Variants in FBXL20 observed in about 807,000 individuals in gnomAD.
FBXL20 encodes F-box/LRR-repeat protein 20.
Under a neutral mutation model 64.0 loss-of-function variants are expected in FBXL20, and 11 were observed. The observed-to-expected ratio is 0.17, with a 90% CI of 0.11 to 0.28. The LOEUF (loss-of-function observed/expected upper bound fraction) is 0.28, where lower values mean the gene tolerates loss of function less well. FBXL20 is among the 10% of genes least tolerant of loss of function. The pLI, the probability that FBXL20 is intolerant of heterozygous loss-of-function variation, is 1.00. For synonymous variants in FBXL20, 184 were observed against 189.0 expected, an observed-to-expected ratio of 0.97 and a Z score of 0.22; for missense variants, 303 against 526.2, an observed-to-expected ratio of 0.58 and a Z score of 4.15.
chr17:39,378,340 A>G (rs1208329028), intron 1 of FBXL20, among the ~76,000 whole-genome samples: 1 of 152,208 alleles, frequency 6.6e-6, no homozygotes, highest in Non-Finnish European at 1.5e-5. Context: ...GAGGTGTGGT[A>G]GCTCACATTT....
In FBXL20 at chr17:39,303,582, T is replaced by C. The variant is rs1478533366; in HGVS notation, c.159+3A>G. Reference sequence around the variant, plus strand: ...CCCCTGTAACTATGCCAACAATACTTACCCTGGAGACCTGAGCACAGCGGC... The same window carrying C: ...CCCCTGTAACTATGCCAACAATACTCACCCTGGAGACCTGAGCACAGCGGC... On this transcript the variant is annotated splice_donor_region_variant and intron_variant, in intron 3 of 14. Transcript: ENST00000264658. The C allele has an allele frequency of 1.2e-6, 2 of 1,609,164 alleles. No individual in the cohort carries two copies. Among genetic ancestry groups the C allele is most frequent in the African/African-American group, 2.7e-5 (2 of 74,782 alleles).
chr17:39,401,082 C>G (rs1379680345), intron 1 of FBXL20, among the ~76,000 whole-genome samples: 1 of 152,258 alleles, frequency 6.6e-6, no homozygotes, highest in Admixed American at 6.5e-5. Context: ...GAATGGAAAG[C>G]TGAGCGATCC....
chr17:39,336,967 C>CTCCTCTCCCTCTCCCTCTCCCCACGGTCT (rs1278924961), intron 2 of FBXL20, among the ~76,000 whole-genome samples: 1 of 151,722 alleles, frequency 6.6e-6, no homozygotes, highest in African/African-American at 2.4e-5. Flanking sequence ...CCTCCTCTCC[C>CTCCTCTCCCTCTCCCTCTCCCCACGGTCT]TCCTCTCCCT....
intron 1 of FBXL20, among the ~76,000 whole-genome samples, chr17:39,389,508 T>C (rs1023907998): frequency 6.6e-6 from 1 of 152,114 alleles, no homozygotes; most frequent in Non-Finnish European, 1.5e-5. Context: ...GTATTGGCAA[T>C]GCAGTGCTCG....
intron 1 of FBXL20, among the ~76,000 whole-genome samples, chr17:39,348,663 G>A (rs2047657714): frequency 6.6e-6 from 1 of 152,224 alleles, no homozygotes; most frequent in South Asian, 2.1e-4. Context: ...TTCTCCAGAT[G>A]CACTCATAGG....
chr17:39,354,054 TTA>T (rs1370740849), intron 1 of FBXL20, among the ~76,000 whole-genome samples: 38 of 152,308 alleles, frequency 2.5e-4, no homozygotes, highest in African/African-American at 9.1e-4. Context: ...ATGGTAAATA[TTA>T]TGTTACATGT....
rs367806942 is a variant in FBXL20, at chr17:39,297,113, C to T, written c.398+14G>A. Reference sequence around the variant, plus strand: ...GGGGTTATGACTTATCCTCCAAAAACATAAAATACTTACGCGTCTGTTGTC... The same window carrying T: ...GGGGTTATGACTTATCCTCCAAAAATATAAAATACTTACGCGTCTGTTGTC... On this transcript the variant is annotated intron_variant, in intron 6 of 14. Transcript: ENST00000264658. The T allele has an allele frequency of 2.1e-5, 34 of 1,593,578 alleles. No individual in the cohort carries two copies. In the African/African-American group the frequency reaches 4.4e-4, roughly 21 times the overall value.
At chr17:39,296,996 C>G in intron 6 of FBXL20, 131 bp downstream of exon 6, 1 of 522,352 alleles carries the variant, frequency 1.9e-6, no homozygotes, top group Non-Finnish European at 3.4e-6. Flanking sequence ...GTTGCTTTCT[C>G]TTCTAAAAAT....
Position 39,380,738 on chromosome 17 carries a change from C to G in FBXL20, c.42+20623G>C, listed in dbSNP as rs189160957. The stretch of plus-strand genomic sequence containing the variant: ...GCAGGACTTTTTGTCCACTTTTATA[C>G]GCTCAGCATCTATAAGAACACCAGG... On this transcript the variant is annotated intron_variant, in intron 1 of 14. Transcript: ENST00000264658. Among the ~76,000 whole-genome samples the G allele has an allele frequency of 3.9e-5, 6 of 152,234 alleles. No individual in the cohort carries two copies. In the East Asian group the frequency reaches 1.2e-3, roughly 29 times the overall value.
At chr17:39,310,801 C>T (rs2047228099) in intron 2 of FBXL20, among the ~76,000 whole-genome samples, 2 of 152,100 alleles carry the variant, frequency 1.3e-5, no homozygotes, top group South Asian at 4.1e-4. Flanking sequence ...ACCTGATCAA[C>T]ATGGTGAAAC....
intron 2 of FBXL20, among the ~76,000 whole-genome samples, chr17:39,324,403 C>T (rs1390287276): frequency 3.3e-5 from 5 of 151,026 alleles, no homozygotes; most frequent in Non-Finnish European, 5.9e-5. Context: ...ATTCTCCTGC[C>T]TCAGCCTCCC....
chr17:39,352,031 TTGTG>T (rs889228698), intron 1 of FBXL20, among the ~76,000 whole-genome samples: 6 of 152,232 alleles, frequency 3.9e-5, no homozygotes, highest in Non-Finnish European at 5.9e-5. Flanking sequence ...ATTAAGCAGC[TTGTG>T]TGTGTGTGCA....
intron 4 of FBXL20, 95 bp from the exon 5 acceptor site, chr17:39,299,179 A>G: frequency 1.1e-6 from 1 of 896,224 alleles, no homozygotes; most frequent in Non-Finnish European, 1.7e-6. Context: ...ACAAAGAGAA[A>G]ATGCTTCTAT....
At chr17:39,363,904 T>C (rs2144621232) in intron 1 of FBXL20, among the ~76,000 whole-genome samples, 1 of 145,674 alleles carries the variant, frequency 6.9e-6, no homozygotes, top group East Asian at 2.0e-4. Context: ...TTTTTTTTTT[T>C]TTGAAGACAA....
intron 1 of FBXL20, among the ~76,000 whole-genome samples, chr17:39,397,075 G>T (rs946082707): frequency 1.3e-5 from 2 of 152,196 alleles, no homozygotes; most frequent in African/African-American, 4.8e-5. Context: ...ACAGGTCCAG[G>T]TAATTTTTGT....
intron 1 of FBXL20, among the ~76,000 whole-genome samples, chr17:39,364,887 A>AT (rs774808607): frequency 3.3e-5 from 5 of 152,212 alleles, no homozygotes; most frequent in Non-Finnish European, 7.3e-5. Context: ...TATTGGGGAG[A>AT]TGGCAGGACC....
intron 1 of FBXL20, among the ~76,000 whole-genome samples, chr17:39,387,241 T>C (rs1326701881): frequency 6.6e-6 from 1 of 151,944 alleles, no homozygotes; most frequent in African/African-American, 2.4e-5. Context: ...GTGAGGCTAA[T>C]CTATGATGTT....
chr17:39,268,699 T>C (rs1435945872), intron 12 of FBXL20, 128 bp downstream of exon 12: 2 of 700,206 alleles, frequency 2.9e-6, no homozygotes, highest in Non-Finnish European at 4.8e-6. Flanking sequence ...CCTTACTTAA[T>C]GGGGAATCTG....
intron 2 of FBXL20, among the ~76,000 whole-genome samples, chr17:39,304,432 C>A (rs2047163567): frequency 6.6e-6 from 1 of 152,108 alleles, no homozygotes; most frequent in Non-Finnish European, 1.5e-5. Flanking sequence ...GGATAACAGG[C>A]ACATGCCACA....
Sources: allele counts gnomAD v4.1 joint callset (sites outside exome capture counted in the v4.1 genomes callset), GRCh38; gene constraint gnomAD v4.1.1; transcripts MANE v1.5; gene names NCBI Gene and HGNC (gene_info 2026-07-23, HGNC 2026-07-21).